The following SAA2 variants were observed in gnomAD, a reference collection of about 807,000 sequenced individuals.
SAA2 encodes the protein serum amyloid A2, also known as serum amyloid A-2 protein.
Under a neutral mutation model 9.1 loss-of-function variants are expected in SAA2, and 5 were observed. That is an observed-to-expected ratio of 0.55 (90% confidence interval 0.29 to 1.16). The LOEUF is 1.16. Among genes scored for constraint, SAA2 ranks in the 50% most tolerant of loss-of-function variants. The pLI is 0.09. For missense variants in SAA2, 94 were observed against 153.8 expected, an observed-to-expected ratio of 0.61 and a Z score of 2.06; for synonymous variants, 49 against 59.8, an observed-to-expected ratio of 0.82 and a Z score of 0.83.
At chr11:18,248,400 C>T (rs2134152396) in intron 1 of SAA2, 1 of 206,820 alleles carries the variant, frequency 4.8e-6, no homozygotes, top group Admixed American at 5.6e-5. Context: ...GCCTTTAGCA[C>T]CTGGTATTCC....
exon 4 of SAA2, chr11:18,239,880 A>G: frequency 1.3e-6 from 2 of 1,526,222 alleles, no homozygotes; most frequent in Non-Finnish European, 1.8e-6. Context: ...TTTACACTGA[A>G]TCTTCATTGC....
downstream of SAA2, among the ~76,000 whole-genome samples, chr11:18,241,426 C>T (rs1857342806): frequency 6.6e-6 from 1 of 152,026 alleles, no homozygotes; most frequent in Non-Finnish European, 1.5e-5. Flanking sequence ...AAAAATATAC[C>T]TGAATGCATG....
At chr11:18,246,114 G>C in intron 2 of SAA2, 66 bp from the exon 3 acceptor site, 1 of 1,504,720 alleles carries the variant, frequency 6.6e-7, no homozygotes, top group Non-Finnish European at 9.1e-7. Context: ...ACACCTTAGA[G>C]GGGAATGAAA....
At chr11:18,239,950 A>G in exon 4 of SAA2, 1 of 1,551,042 alleles carries the variant, frequency 6.4e-7, no homozygotes, top group South Asian at 1.2e-5. Flanking sequence ...TTCACTCTCT[A>G]CAGTTCAGCT....
downstream of SAA2, chr11:18,240,354 T>C: frequency 1.4e-6 from 1 of 699,490 alleles, no homozygotes; most frequent in Non-Finnish European, 2.6e-6. Context: ...GATGCAGCCA[T>C]AAGGCAGATA....
downstream of SAA2, among the ~76,000 whole-genome samples, chr11:18,238,316 G>C (rs1175492743): frequency 6.6e-6 from 1 of 151,924 alleles, no homozygotes; most frequent in Non-Finnish European, 1.5e-5. Context: ...TGTTATCTAG[G>C]ATATGAGTTA....
chr11:18,240,348 C>T, downstream of SAA2: 1 of 701,606 alleles, frequency 1.4e-6, no homozygotes, highest in Non-Finnish European at 2.6e-6. Context: ...TCATGGGATG[C>T]AGCCATAAGG....
At chr11:18,243,684 A>G (rs137930491), downstream of SAA2, among the ~76,000 whole-genome samples, 406 of 152,342 alleles carry the variant, frequency 2.7e-3, 1 homozygote, top group Non-Finnish European at 4.5e-3. Flanking sequence ...TCTGTTGTAA[A>G]TAGTTCTACT....
downstream of SAA2, chr11:18,242,786 G>T (rs1159573560): frequency 1.4e-6 from 1 of 701,694 alleles, no homozygotes; most frequent in South Asian, 1.5e-5. Flanking sequence ...GGTCGAGGTT[G>T]CAGTGAGCCA....
chr11:18,247,944 G>A lies in SAA2; in HGVS notation c.68C>T (p.Ser23Leu), dbSNP rs763710590. Residue 23 changes from serine (S) to leucine (L), a missense_variant, in exon 2 of 4, where the codon TCG (serine) becomes TTG (leucine). This residue lies in a region of SAA2 where 32 missense variants were observed against 95.5 expected (regional missense o/e 0.34). Coordinates refer to ENST00000256733, the MANE Select transcript of SAA2 (RefSeq NM_030754.5). ...ACCATCAAAAGCCTCGCCAAGGAAC[G>A]AAAAGAAGCTTCGGCTGCTGACACT... ...VLSVSSRSFFSFLGEAFDGAR... is the reference protein window; with the variant it reads ...VLSVSSRSFFLFLGEAFDGAR... 1.9e-4 allele frequency: 307 copies of A among 1,613,814 alleles called. No homozygotes were observed. The highest frequency in any genetic ancestry group is 2.4e-4 in the Non-Finnish European group (283 of 1,179,850).
At chr11:18,240,189 C>A in intron 3 of SAA2, 1 of 719,712 alleles carries the variant, frequency 1.4e-6, no homozygotes, top group Non-Finnish European at 2.5e-6. Context: ...AGAAATTAAC[C>A]TGTAAATGAT....
At chr11:18,240,353 A>G (rs946883441), downstream of SAA2, 1 of 699,582 alleles carries the variant, frequency 1.4e-6, no homozygotes, top group South Asian at 1.5e-5. Flanking sequence ...GGATGCAGCC[A>G]TAAGGCAGAT....
chr11:18,245,085 G>C (rs1857461646), downstream of SAA2: 1 of 415,520 alleles, frequency 2.4e-6, no homozygotes, highest in Non-Finnish European at 4.1e-6. Flanking sequence ...TGGAAGGGTT[G>C]ATGCAGGTGT....
intron 3 of SAA2, chr11:18,240,080 T>C (rs1411907401): frequency 4.6e-5 from 64 of 1,406,526 alleles, no homozygotes; most frequent in Non-Finnish European, 6.1e-5. Context: ...TACCGGTGAT[T>C]ATATACTATT....
downstream of SAA2, among the ~76,000 whole-genome samples, chr11:18,243,129 T>C: frequency 6.6e-6 from 1 of 152,174 alleles, no homozygotes. Flanking sequence ...TGGACTATAT[T>C]GAATTAAATT....
At chr11:18,239,572 C>G (rs1025601600) in exon 4 of SAA2, 12 of 401,646 alleles carry the variant, frequency 3.0e-5, no homozygotes, top group Non-Finnish European at 4.8e-5. Context: ...GTCAATGACT[C>G]CATGTTGCTT....
chr11:18,246,771 G>A (rs1210167241), intron 2 of SAA2, among the ~76,000 whole-genome samples: 1 of 152,044 alleles, frequency 6.6e-6, no homozygotes, highest in Non-Finnish European at 1.5e-5. Flanking sequence ...GACCTCAAGT[G>A]ATTCATCCAC....
downstream of SAA2, among the ~76,000 whole-genome samples, chr11:18,238,975 C>A (rs1251916226): frequency 1.3e-5 from 2 of 152,008 alleles, no homozygotes; most frequent in Non-Finnish European, 2.9e-5. Context: ...CCAGTTCCAT[C>A]CTTGTTGTTG....
chr11:18,245,299 C>T lies in SAA2; in HGVS notation c.*78G>A, dbSNP rs2134140987. The T allele has an allele frequency of 6.3e-7, 1 of 1,594,362 alleles. No individual in the cohort carries two copies. The highest frequency in any genetic ancestry group is 2.2e-4 in the Middle Eastern group (1 of 4,640). On this transcript the variant is annotated 3_prime_UTR_variant, in exon 4 of 4. Transcript: ENST00000256733. The stretch of plus-strand genomic sequence containing the variant: ...TATGCCATATCTCAGCTTCTCTGGA[C>T]ATAGACCTCACTAACTTTGTATCCC...
Sources: gnomAD v4.1 joint callset for allele counts (sites outside exome capture counted in the v4.1 genomes callset) on GRCh38, gnomAD v4.1.1 for gene constraint, gnomAD v4.1.1 regional missense constraint, MANE v1.5 for transcripts, NCBI Gene and HGNC (gene_info 2026-07-23, HGNC 2026-07-21) for gene names.